Variants in FUT9 observed in about 807,000 individuals in gnomAD.
FUT9 encodes the protein fucosyltransferase 9.
In FUT9, 15 loss-of-function variants were observed where a neutral mutation model predicts 29.7. That is an observed-to-expected ratio of 0.51 (90% CI 0.34 to 0.78). FUT9 has a LOEUF of 0.78. Ranked by LOEUF, FUT9 falls within the 30% of genes least tolerant of loss-of-function variation. The pLI is 0.01. For synonymous variants in FUT9, 169 were observed against 153.7 expected (o/e 1.10, Z -0.74); for missense variants, 319 against 425.4 (o/e 0.75, Z 2.20).
At chr6:96,122,090 T>C (rs2127965337) in intron 2 of FUT9, among the ~76,000 whole-genome samples, 1 of 152,280 alleles carries the variant, frequency 6.6e-6, no homozygotes, top group South Asian at 2.1e-4. Flanking sequence ...TGCACTTTGC[T>C]ATGATATAAC....
chr6:96,139,709 G>T (rs1221059708), intron 2 of FUT9, among the ~76,000 whole-genome samples: 1 of 152,164 alleles, frequency 6.6e-6, no homozygotes, highest in East Asian at 1.9e-4. Context: ...CCATGTGTAA[G>T]CTGCCAAGGT....
intron 2 of FUT9, among the ~76,000 whole-genome samples, chr6:96,147,897 GAAA>G (rs541956253): frequency 1.3e-5 from 2 of 150,080 alleles, no homozygotes; most frequent in Admixed American, 6.7e-5. Flanking sequence ...TAATATTTCA[GAAA>G]AAAAAGTGCA....
intron 2 of FUT9, among the ~76,000 whole-genome samples, chr6:96,166,010 TA>T (rs763222084): frequency 6.6e-6 from 1 of 152,094 alleles, no homozygotes; most frequent in Non-Finnish European, 1.5e-5. Flanking sequence ...TTTGAGTGTG[TA>T]AAAAAATCCC....
At chr6:96,061,901 C>T (rs1406519239) in intron 1 of FUT9, among the ~76,000 whole-genome samples, 1 of 152,160 alleles carries the variant, frequency 6.6e-6, no homozygotes, top group African/African-American at 2.4e-5. Context: ...AAAACTGAAC[C>T]AATGCCACTA....
At chr6:96,128,923 A>G (rs906306740) in intron 2 of FUT9, among the ~76,000 whole-genome samples, 1 of 151,916 alleles carries the variant, frequency 6.6e-6, no homozygotes, top group African/African-American at 2.4e-5. Flanking sequence ...CCAGGAGTTC[A>G]AGATCAGCCT....
At chr6:96,154,503 T>C (rs754934160) in intron 2 of FUT9, among the ~76,000 whole-genome samples, 3 of 152,202 alleles carry the variant, frequency 2.0e-5, no homozygotes, top group Non-Finnish European at 2.9e-5. Context: ...TGAGACAGAA[T>C]GTACATCTTA....
In FUT9 at chr6:96,111,540, AACACACACACACACACACAC is replaced by A. The variant is rs66491542; in HGVS notation, c.-97-2473_-97-2454del. Among the ~76,000 whole-genome samples, 17 of 145,578 alleles carry A rather than the reference AACACACACACACACACACAC, an allele frequency of 1.2e-4. No homozygotes were observed. In the East Asian group the frequency reaches 1.2e-3, roughly 10 times the overall value. ...ATTAAATTATAACCATGATTTGGGA[AACACACACACACACACACAC>A]ACACACACACACACACACACACACA... On this transcript the variant is annotated intron_variant, in intron 1 of 2. Coordinates refer to ENST00000302103, the MANE Select transcript of FUT9 (RefSeq NM_006581.4).
intron 1 of FUT9, among the ~76,000 whole-genome samples, chr6:96,028,967 A>G (rs1215004527): frequency 2.6e-5 from 4 of 151,572 alleles, no homozygotes; most frequent in African/African-American, 7.3e-5. Context: ...ACAAAACTGG[A>G]AAGACTATCA....
Position 96,203,618 on chromosome 6 carries a change from A to C in FUT9, c.463A>C (p.Thr155Pro). 2 of 1,613,758 alleles carry C rather than the reference A, an allele frequency of 1.2e-6. No individual in the cohort carries two copies. Among genetic ancestry groups the C allele is most frequent in the Non-Finnish European group, 1.7e-6 (2 of 1,179,926 alleles). ...TGGCATTGAGCACTTGTTTAACCTG[A>C]CTCTGACTTACCGCCGTGATTCAGA... ...KSGIEHLFNL[T>P]LTYRRDSDIQ... The change falls in exon 3 of 3, where the codon ACT becomes CCT. Residue 155 changes from threonine (T) to proline (P), a missense_variant. Transcript: ENST00000302103.
At chr6:96,049,474 C>A (rs1770626532) in intron 1 of FUT9, among the ~76,000 whole-genome samples, 1 of 152,198 alleles carries the variant, frequency 6.6e-6, no homozygotes, top group African/African-American at 2.4e-5. Flanking sequence ...AGTGGGTAAA[C>A]AACTCTTTCT....
chr6:96,049,993 C>G (rs968454276), intron 1 of FUT9, among the ~76,000 whole-genome samples: 7 of 152,112 alleles, frequency 4.6e-5, no homozygotes, highest in African/African-American at 1.7e-4. Context: ...AAATAACCCA[C>G]TTTGTAGAAG....
At chr6:96,060,968 TTTAG>T (rs1218686876) in intron 1 of FUT9, among the ~76,000 whole-genome samples, 1 of 152,154 alleles carries the variant, frequency 6.6e-6, no homozygotes, top group African/African-American at 2.4e-5. Flanking sequence ...CTGTTGCCAT[TTTAG>T]TTAGTTTTGA....
chr6:96,083,495 C>T (rs919927732), intron 1 of FUT9, among the ~76,000 whole-genome samples: 3 of 152,068 alleles, frequency 2.0e-5, no homozygotes, highest in African/African-American at 7.2e-5. Context: ...TATTGTTGAT[C>T]ACAGGTCACC....
At chr6:96,155,207 G>A (rs1320399121) in intron 2 of FUT9, among the ~76,000 whole-genome samples, 1 of 152,104 alleles carries the variant, frequency 6.6e-6, no homozygotes, top group Non-Finnish European at 1.5e-5. Flanking sequence ...AATCCAGAAA[G>A]TTACTAATTG....
In FUT9 at chr6:96,215,093, C is replaced by T. The variant is rs925865030; in HGVS notation, c.*10858C>T. 6.0e-6 allele frequency: 1 copy of T among 166,980 alleles called. No homozygotes were observed. Among genetic ancestry groups the T allele is most frequent in the Non-Finnish European group, 1.5e-5 (1 of 68,082 alleles). The allele number at this position is 166,980 out of a possible 1,614,324, so 10.3% of individuals were successfully genotyped here. A position where few individuals can be genotyped will look rare whatever the true frequency, so the allele number is the denominator to read the frequency against. On this transcript the variant is annotated 3_prime_UTR_variant, in exon 3 of 3. Transcript: ENST00000302103. ...GATCTAGGCACTTAGTTTGCTACCACATTGTTCCCTTCATTGATTGAAACT... is the reference window on the plus strand; with the variant it reads ...GATCTAGGCACTTAGTTTGCTACCATATTGTTCCCTTCATTGATTGAAACT...
chr6:96,197,138 T>C (rs529506162), intron 2 of FUT9, among the ~76,000 whole-genome samples: 1 of 152,236 alleles, frequency 6.6e-6, no homozygotes, highest in African/African-American at 2.4e-5. Context: ...GAAACAAATG[T>C]CTGAGGCAAA....
chr6:96,109,931 T>C (rs1264901363), intron 1 of FUT9, among the ~76,000 whole-genome samples: 1 of 152,100 alleles, frequency 6.6e-6, no homozygotes, highest in African/African-American at 2.4e-5. Flanking sequence ...AGGGGAACTA[T>C]AGCTACAGGT....
At chr6:96,056,169 A>G (rs545165059) in intron 1 of FUT9, among the ~76,000 whole-genome samples, 2 of 152,328 alleles carry the variant, frequency 1.3e-5, no homozygotes, top group South Asian at 4.1e-4. Context: ...GACAATTTGT[A>G]TCTAATTTAA....
At chr6:96,124,139 TTTTTTTC>T (rs1422574427) in intron 2 of FUT9, among the ~76,000 whole-genome samples, 2 of 146,974 alleles carry the variant, frequency 1.4e-5, no homozygotes, top group African/African-American at 5.0e-5. Flanking sequence ...GCTGCTTTTC[TTTTTTTC>T]TTTTTTCTTT....
Sources: allele counts gnomAD v4.1 joint callset (sites outside exome capture counted in the v4.1 genomes callset), GRCh38; gene constraint gnomAD v4.1.1; transcripts MANE v1.5; gene names NCBI Gene and HGNC (gene_info 2026-07-23, HGNC 2026-07-21).